The following PARP11 variants were observed in gnomAD, a reference collection of about 807,000 sequenced individuals.
The protein encoded by PARP11 is protein mono-ADP-ribosyltransferase PARP11.
In PARP11, 31 loss-of-function variants were observed where a neutral mutation model predicts 42.9. The ratio of observed to expected loss-of-function variants is 0.72; its 90% confidence interval spans 0.54 to 0.98. The LOEUF is 0.98. PARP11 is among the 50% of genes least tolerant of loss of function. The pLI, the probability that PARP11 is intolerant of heterozygous loss-of-function variation, is 0.00. For synonymous variants in PARP11, 137 were observed against 127.3 expected (o/e 1.08, Z -0.51); for missense variants, 365 against 413.1 (o/e 0.88, Z 1.01).
At position 3,834,541 on chromosome 12, in the gene PARP11, A is replaced by G. The variant is rs188973241; in HGVS notation, c.19-4523T>C. On this transcript the variant is annotated intron_variant, in intron 1 of 7. Transcript: ENST00000228820. ...TCCAGCTACTCAGGAGGCCGAGAGA[A>G]GAGAACTGATTGAACCCAGGAGGCA... Among the ~76,000 whole-genome samples, 705 of 151,498 alleles carry G rather than the reference A, an allele frequency of 4.7e-3. 3 individuals carry two copies. The highest frequency in any genetic ancestry group is 0.01 in the Middle Eastern group (3 of 294).
At chr12:3,825,191 A>C (rs1285449439) in intron 4 of PARP11, among the ~76,000 whole-genome samples, 1 of 152,208 alleles carries the variant, frequency 6.6e-6, no homozygotes, top group East Asian at 1.9e-4. Flanking sequence ...TTTAGAAAAT[A>C]GGAGACATGC....
intron 1 of PARP11, among the ~76,000 whole-genome samples, chr12:3,866,034 T>C (rs1417224565): frequency 6.6e-6 from 1 of 152,064 alleles, no homozygotes; most frequent in African/African-American, 2.4e-5. Context: ...ATTTCTTCAG[T>C]TTCTATGCTA....
chr12:3,826,925 G>A (rs1462093727), intron 3 of PARP11, among the ~76,000 whole-genome samples: 1 of 152,124 alleles, frequency 6.6e-6, no homozygotes, highest in African/African-American at 2.4e-5. Flanking sequence ...TAAGATTCTA[G>A]CCAGTTTATC....
intron 1 of PARP11, among the ~76,000 whole-genome samples, chr12:3,847,842 T>A (rs925693667): frequency 2.6e-5 from 4 of 152,130 alleles, no homozygotes; most frequent in Admixed American, 6.5e-5. Context: ...GAAAGAGAAA[T>A]AAATGGCAAC....
intron 1 of PARP11, among the ~76,000 whole-genome samples, chr12:3,843,433 T>C (rs1208386648): frequency 6.6e-6 from 1 of 152,224 alleles, no homozygotes; most frequent in African/African-American, 2.4e-5. Flanking sequence ...ATTTTTAGCT[T>C]GACAGGTTTC....
In PARP11 at chr12:3,830,037, G is replaced by A. The variant is rs1947604551; in HGVS notation, c.19-19C>T. The A allele has an allele frequency of 2.5e-6, 4 of 1,609,714 alleles. No homozygotes were observed. Among genetic ancestry groups the A allele is most frequent in the Non-Finnish European group, 3.4e-6 (4 of 1,176,452 alleles). Reference sequence around the variant, plus strand: ...ACATCTCCTGAAAAGCCAGAAGGAGGTGGAGGAAGAAATAATTCTATTAAT... The same window carrying A: ...ACATCTCCTGAAAAGCCAGAAGGAGATGGAGGAAGAAATAATTCTATTAAT... On this transcript the variant is annotated intron_variant, in intron 1 of 7. Transcript: ENST00000228820.
At chr12:3,839,956 G>GA (rs1240752098) in intron 1 of PARP11, 1 of 1,280,182 alleles carries the variant, frequency 7.8e-7, no homozygotes, top group African/African-American at 1.5e-5. Flanking sequence ...TGCTGCTGCT[G>GA]ATGTGAATGG....
chr12:3,812,369 T>C lies in PARP11; in HGVS notation c.771A>G (p.Thr257=). ...GCAAGCTGACACCATGAATTTGGAA[T>C]GTGTTCCCATGCTTTATGTCATCTT... ...FCKDDIKHGN[T]FQIHGVSLQQ... Residue 257 remains threonine (T), a synonymous_variant, in exon 8 of 8, where the codon ACA becomes ACG. Coordinates refer to ENST00000228820, the MANE Select transcript of PARP11 (RefSeq NM_020367.6). 1 of 1,614,182 alleles carries C rather than the reference T, an allele frequency of 6.2e-7. No individual in the cohort carries two copies. The highest frequency in any genetic ancestry group is 8.5e-7 in the Non-Finnish European group (1 of 1,179,990).
intron 1 of PARP11, among the ~76,000 whole-genome samples, chr12:3,845,687 T>C (rs931065401): frequency 2.6e-5 from 4 of 152,258 alleles, no homozygotes; most frequent in African/African-American, 9.6e-5. Context: ...CTACTTTATG[T>C]CTAAATGCTA....
At chr12:3,826,924 A>G (rs1449348163) in intron 3 of PARP11, among the ~76,000 whole-genome samples, 1 of 152,224 alleles carries the variant, frequency 6.6e-6, no homozygotes, top group Non-Finnish European at 1.5e-5. Flanking sequence ...GTAAGATTCT[A>G]GCCAGTTTAT....
intron 1 of PARP11, among the ~76,000 whole-genome samples, chr12:3,869,931 T>C (rs1402442848): frequency 2.0e-5 from 3 of 152,184 alleles, no homozygotes; most frequent in African/African-American, 7.2e-5. Context: ...CATGTTATTA[T>C]ATGACCAGCA....
intron 1 of PARP11, among the ~76,000 whole-genome samples, chr12:3,831,045 G>A (rs1214790957): frequency 1.3e-5 from 2 of 152,152 alleles, no homozygotes; most frequent in Admixed American, 6.5e-5. Flanking sequence ...CTGGAATTTG[G>A]CTTCCTGTCC....
Position 3,840,982 on chromosome 12 carries a change from T to C in PARP11, c.19-10964A>G. ...AGCCTGGCCAAGTGAACCTACAACT[T>C]TTGGACCAACAGGTGTCCCTGCTCC... On this transcript the variant is annotated intron_variant, in intron 1 of 7. Transcript: ENST00000228820. The surrounding 1 kb of genome is among the most constrained non-coding windows in gnomAD (Gnocchi z 4.4). 2 of 1,607,952 alleles carry C rather than the reference T, an allele frequency of 1.2e-6. No individual in the cohort carries two copies. Among genetic ancestry groups the C allele is most frequent in the Non-Finnish European group, 1.7e-6 (2 of 1,174,520 alleles).
At chr12:3,849,395 G>A (rs1948055071) in intron 1 of PARP11, among the ~76,000 whole-genome samples, 1 of 152,104 alleles carries the variant, frequency 6.6e-6, no homozygotes, top group Admixed American at 6.5e-5. Context: ...CCAAGATAGG[G>A]AATCAACCTA....
chr12:3,820,317 T>C (rs1211354993), intron 6 of PARP11, among the ~76,000 whole-genome samples: 2 of 152,106 alleles, frequency 1.3e-5, no homozygotes, highest in Admixed American at 6.5e-5. Context: ...ATAGGTTATG[T>C]GACAGTGAGA....
chr12:3,839,278 C>T (rs1354256648), intron 1 of PARP11, among the ~76,000 whole-genome samples: 2 of 151,536 alleles, frequency 1.3e-5, no homozygotes, highest in Admixed American at 1.3e-4. Flanking sequence ...GCCCTCGCGC[C>T]TGGCCTGCAG....
chr12:3,853,850 T>G (rs929026892), intron 1 of PARP11, among the ~76,000 whole-genome samples: 1 of 152,156 alleles, frequency 6.6e-6, no homozygotes, highest in Non-Finnish European at 1.5e-5. Flanking sequence ...CAGCATCACA[T>G]TGTACTTATT....
At chr12:3,838,965 C>G (rs1013455065) in intron 1 of PARP11, among the ~76,000 whole-genome samples, 2 of 152,140 alleles carry the variant, frequency 1.3e-5, no homozygotes, top group African/African-American at 4.8e-5. Context: ...CGGCGACCCC[C>G]GGCCTGGGTC....
intron 1 of PARP11, among the ~76,000 whole-genome samples, chr12:3,845,095 C>T (rs1304297041): frequency 1.3e-5 from 2 of 152,186 alleles, no homozygotes; most frequent in Non-Finnish European, 2.9e-5. Flanking sequence ...GACCAAAGCT[C>T]ACCTGTTTTT....
Sources: allele counts gnomAD v4.1 joint callset (sites outside exome capture counted in the v4.1 genomes callset), GRCh38; gene constraint gnomAD v4.1.1; non-coding constraint Gnocchi (gnomAD v3.1); transcripts MANE v1.5; gene names NCBI Gene and HGNC (gene_info 2026-07-23, HGNC 2026-07-21).